CDH3: variants seen among roughly 807,000 people sequenced by gnomAD.
CDH3 encodes the protein cadherin 3, also known as cadherin-3.
A neutral mutation model predicts 82.0 loss-of-function variants in CDH3; 54 were observed. That is an observed-to-expected ratio of 0.66 (90% confidence interval 0.53 to 0.83). The LOEUF (loss-of-function observed/expected upper bound fraction) is 0.83. Ranked by LOEUF, CDH3 falls within the 40% of genes least tolerant of loss-of-function variation. The pLI, the probability that CDH3 is intolerant of heterozygous loss-of-function variation, is 0.00. For synonymous variants in CDH3, 446 were observed against 437.9 expected (o/e 1.02, Z -0.23); for missense variants, 1,054 against 1,084.6 (o/e 0.97, Z 0.40).
At position 68,707,551 on chromosome 16, in the gene CDH3, C is replaced by T. The variant is rs550118459; in HGVS notation, c.99+11628C>T. 1.4e-4 allele frequency among the ~76,000 whole-genome samples: 22 copies of T among 152,156 alleles called. No homozygotes were observed. Among genetic ancestry groups the T allele is most frequent in the Non-Finnish European group, 2.5e-4 (17 of 68,014 alleles). ...GAACCGGGGAGCCTGTCTGAGAGCG[C>T]CCTGTAGTCTGGTAGGGCGGTGGCT... is the stretch of plus-strand genomic sequence containing the variant. On this transcript the variant is annotated intron_variant, in intron 1 of 2. Transcript: ENST00000569080. This position sits in a 1 kb window ranked among gnomAD's most constrained non-coding sequence, Gnocchi z 4.5.
chr16:68,651,353 C>T, intron 2 of CDH3: 1 of 554,294 alleles, frequency 1.8e-6, no homozygotes, highest in South Asian at 1.4e-5. Flanking sequence ...GTCGAGTGGT[C>T]CACGGGGGCA....
intron 4 of CDH3, 80 bp downstream of exon 4, chr16:68,678,357 C>T (rs953920260): frequency 1.3e-6 from 2 of 1,591,818 alleles, no homozygotes; most frequent in Non-Finnish European, 1.7e-6. Flanking sequence ...TTTCTTGCTA[C>T]TGAATGTGGG....
chr16:68,704,339 G>A (rs1379258701), downstream of CDH3, among the ~76,000 whole-genome samples: 1 of 152,108 alleles, frequency 6.6e-6, no homozygotes, highest in African/African-American at 2.4e-5. Flanking sequence ...GGTGCCTGGC[G>A]CACAGGATAC....
At position 68,684,638 on chromosome 16, in the gene CDH3, A is replaced by C. The variant is rs1268126408; in HGVS notation, c.1238A>C (p.Glu413Ala). 6 of 1,614,208 alleles carry C rather than the reference A, an allele frequency of 3.7e-6. No individual in the cohort carries two copies. Among genetic ancestry groups the C allele is most frequent in the Non-Finnish European group, 4.2e-6 (5 of 1,180,034 alleles). ...QHTLYVEVTN[E>A]APFVLKLPTS... The stretch of plus-strand genomic sequence containing the variant: ...ACCCTGTACGTTGAAGTGACCAACG[A>C]GGCCCCTTTTGTGCTGAAGCTCCCA... Residue 413 changes from glutamate (E) to alanine (A), a missense_variant, in exon 10 of 16, where the codon GAG (glutamate) becomes GCG (alanine). Physicochemically the swap from Glu to Ala is moderately radical, Grantham distance 107. Coordinates refer to ENST00000264012, the MANE Select transcript of CDH3 (RefSeq NM_001793.6).
chr16:68,716,436 C>A (rs1403487733), intron 1 of CDH3, among the ~76,000 whole-genome samples: 3 of 151,436 alleles, frequency 2.0e-5, no homozygotes, highest in African/African-American at 7.3e-5. Context: ...GGCTGGGCAA[C>A]ATATCGAGAC....
At chr16:68,654,711 AAAAT>A (rs56392205) in intron 2 of CDH3, among the ~76,000 whole-genome samples, 23,955 of 131,700 alleles carry the variant, frequency 0.18, 2,202 homozygotes, top group African/African-American at 0.22. Flanking sequence ...TCAAAAAAAA[AAAAT>A]ATATATATAT....
chr16:68,733,179 G>A, the CDH3 span, among the ~76,000 whole-genome samples: 1 of 152,200 alleles, frequency 6.6e-6, no homozygotes, highest in African/African-American at 2.4e-5. Context: ...GGCAGAGCCA[G>A]AAGTGAATCC....
At chr16:68,682,529 A>C in intron 9 of CDH3, 42 bp downstream of exon 9, 2 of 1,583,626 alleles carry the variant, frequency 1.3e-6, no homozygotes, top group Non-Finnish European at 1.7e-6. Flanking sequence ...TACCTGGGGC[A>C]GTCAGGTCTG....
At chr16:68,684,999 G>T (rs878860140) in intron 10 of CDH3, among the ~76,000 whole-genome samples, 175 bp downstream of exon 10, 1 of 152,178 alleles carries the variant, frequency 6.6e-6, no homozygotes, top group Non-Finnish European at 1.5e-5. Context: ...GGGTTTGGGG[G>T]CAGGTATTTC....
downstream of CDH3, among the ~76,000 whole-genome samples, chr16:68,729,177 G>A (rs562829671): frequency 1.3e-5 from 2 of 152,208 alleles, no homozygotes; most frequent in East Asian, 1.9e-4. Flanking sequence ...TGGTGGTGCT[G>A]GCCTGTAGTC....
intron 1 of CDH3, among the ~76,000 whole-genome samples, chr16:68,713,090 C>A (rs989024683): frequency 5.3e-5 from 8 of 152,112 alleles, no homozygotes; most frequent in African/African-American, 2.4e-5. Context: ...CTCCTCTCCC[C>A]ACTCTCTGTG....
Position 68,698,305 on chromosome 16 carries a change from GCC to G in CDH3, c.2396_2397del (p.Ala799ValfsTer86). 6.2e-7 allele frequency: 1 copy of G among 1,614,208 alleles called. No individual in the cohort carries two copies. The highest frequency in any genetic ancestry group is 8.5e-7 in the Non-Finnish European group (1 of 1,180,036). ...AASLSSLTSS[A>X]SDQDQDYDYL... ...GTCCCTGAGCTCCCTCACCTCCTCC[GCC>G]TCCGACCAAGACCAAGATTACGATT... On this transcript the variant is annotated frameshift_variant, in exon 16 of 16. Coordinates refer to ENST00000264012, the MANE Select transcript of CDH3 (RefSeq NM_001793.6). LOFTEE classifies it high-confidence loss of function.
At chr16:68,681,477 G>A (rs1307886174) in intron 8 of CDH3, among the ~76,000 whole-genome samples, 3 of 152,184 alleles carry the variant, frequency 2.0e-5, no homozygotes, top group African/African-American at 7.2e-5. Context: ...GCCAATCAAG[G>A]TGCCAATTAC....
chr16:68,704,469 G>T (rs1281319231), downstream of CDH3, among the ~76,000 whole-genome samples: 2 of 152,220 alleles, frequency 1.3e-5, no homozygotes, highest in African/African-American at 4.8e-5. Context: ...CCTGCAGGGA[G>T]TGCCTGTGTC....
At chr16:68,663,659 TG>T (rs1426087589) in intron 2 of CDH3, among the ~76,000 whole-genome samples, 3 of 152,016 alleles carry the variant, frequency 2.0e-5, no homozygotes, top group East Asian at 3.9e-4. Flanking sequence ...ACTAAGGTGG[TG>T]GGGGTAGAGA....
chr16:68,705,709 G>A (rs1041247125), intron 1 of CDH3, among the ~76,000 whole-genome samples: 61 of 151,084 alleles, frequency 4.0e-4, no homozygotes, highest in African/African-American at 1.3e-3. Context: ...GGCGTGAGCC[G>A]CCGTGCCCAG....
intron 13 of CDH3, 103 bp from the exon 14 acceptor site, chr16:68,695,152 T>C: frequency 8.3e-7 from 1 of 1,205,404 alleles, no homozygotes; most frequent in Non-Finnish European, 1.2e-6. Context: ...AAGCTCTGGC[T>C]ACTGAGTGAG....
chr16:68,688,867 G>A (rs939984921), intron 12 of CDH3, among the ~76,000 whole-genome samples: 2 of 152,126 alleles, frequency 1.3e-5, no homozygotes, highest in East Asian at 1.9e-4. Context: ...TGATCCTCTC[G>A]CCTTGGCCTT....
At chr16:68,646,020 C>T (rs1960048858) in intron 2 of CDH3, 2 of 501,344 alleles carry the variant, frequency 4.0e-6, no homozygotes, top group African/African-American at 2.0e-5. Context: ...CTGAGCCCCT[C>T]ACCCAGTCTC....
Sources: gnomAD v4.1 joint callset for allele counts (sites outside exome capture counted in the v4.1 genomes callset) on GRCh38, gnomAD v4.1.1 for gene constraint, Gnocchi (gnomAD v3.1) non-coding constraint, MANE v1.5 for transcripts, NCBI Gene and HGNC (gene_info 2026-07-23, HGNC 2026-07-21) for gene names.